NOVA1: variants seen among roughly 807,000 people sequenced by gnomAD.
NOVA1 encodes the protein RNA-binding protein Nova-1.
NOVA1 carries 7 observed loss-of-function variants against 38.0 expected under a neutral mutation model. That is an observed-to-expected ratio of 0.18 (90% CI 0.10 to 0.35). NOVA1 has a LOEUF of 0.35. Among genes scored for constraint, NOVA1 ranks in the 10% least tolerant of loss-of-function variants. The pLI is 1.00. For missense variants in NOVA1, 460 were observed against 616.0 expected, an observed-to-expected ratio of 0.75 and a Z score of 2.68; for synonymous variants, 270 against 232.5, an observed-to-expected ratio of 1.16 and a Z score of -1.47.
intron 2 of NOVA1, among the ~76,000 whole-genome samples, chr14:26,510,242 T>C (rs976365115): frequency 6.6e-6 from 1 of 152,174 alleles, no homozygotes; most frequent in African/African-American, 2.4e-5. Flanking sequence ...AAGCACATAA[T>C]GGCCCCTGCC....
chr14:26,557,041 T>C (rs1891529901), intron 2 of NOVA1, among the ~76,000 whole-genome samples: 1 of 152,148 alleles, frequency 6.6e-6, no homozygotes, highest in Non-Finnish European at 1.5e-5. Flanking sequence ...CATATTCCCA[T>C]GGCATTCTCT....
intron 2 of NOVA1, among the ~76,000 whole-genome samples, chr14:26,512,842 G>A (rs1390595141): frequency 6.6e-6 from 1 of 151,950 alleles, no homozygotes; most frequent in Admixed American, 6.6e-5. Context: ...ATCATAAGAG[G>A]TAATCAATAC....
intron 2 of NOVA1, among the ~76,000 whole-genome samples, chr14:26,572,950 A>AATAAT (rs1190721756): frequency 1.3e-5 from 2 of 152,174 alleles, no homozygotes; most frequent in East Asian, 3.9e-4. Flanking sequence ...AATAAAGTGT[A>AATAAT]CATAAAACAA....
chr14:26,509,175 G>T (rs1887866781), intron 2 of NOVA1, among the ~76,000 whole-genome samples: 1 of 152,168 alleles, frequency 6.6e-6, no homozygotes, highest in South Asian at 2.1e-4. Flanking sequence ...ATTTGTAGAT[G>T]TATTTTTTAA....
intron 2 of NOVA1, among the ~76,000 whole-genome samples, chr14:26,484,383 C>A (rs888716901): frequency 2.5e-5 from 3 of 118,876 alleles, no homozygotes; most frequent in Non-Finnish European, 4.8e-5. Context: ...TTGCAGTGAG[C>A]CAAGATCGCG....
At chr14:26,543,665 C>G (rs1396240412) in intron 2 of NOVA1, among the ~76,000 whole-genome samples, 1 of 151,906 alleles carries the variant, frequency 6.6e-6, no homozygotes, top group East Asian at 1.9e-4. Flanking sequence ...CATGGAATTA[C>G]AGAAATGGAT....
rs1393826923 is a variant in NOVA1 at position 26,487,956 on chromosome 14, C to T, written c.281-7813G>A. On this transcript the variant is annotated intron_variant, in intron 2 of 4. Coordinates refer to ENST00000539517, the MANE Select transcript of NOVA1 (RefSeq NM_002515.3). ...TAAAAGTAAGTTCAATTTGTAATTG[C>T]AGCTTTTATACCACTGTACAGTTAC... is the stretch of plus-strand genomic sequence containing the variant. Among the ~76,000 whole-genome samples, 3 of 152,104 alleles carry T rather than the reference C, an allele frequency of 2.0e-5. No individual in the cohort carries two copies. The East Asian group carries it at 5.8e-4, about 29-fold the overall frequency.
intron 2 of NOVA1, among the ~76,000 whole-genome samples, chr14:26,493,056 GCAACT>G (rs1247602782): frequency 9.9e-5 from 15 of 152,178 alleles, no homozygotes; most frequent in African/African-American, 3.4e-4. Flanking sequence ...CAGAAATTCT[GCAACT>G]CAACTCATTT....
intron 2 of NOVA1, among the ~76,000 whole-genome samples, chr14:26,595,031 C>G (rs938788552): frequency 5.3e-5 from 8 of 152,094 alleles, no homozygotes; most frequent in African/African-American, 1.9e-4. Flanking sequence ...TCCCTACCCC[C>G]CTCTTCTGAA....
At chr14:26,585,050 T>G (rs1594582858) in intron 2 of NOVA1, among the ~76,000 whole-genome samples, 1 of 151,494 alleles carries the variant, frequency 6.6e-6, no homozygotes, top group South Asian at 2.1e-4. Context: ...AAAATATAAA[T>G]AAAATTTACA....
At chr14:26,588,681 T>C (rs1893673191) in intron 2 of NOVA1, among the ~76,000 whole-genome samples, 1 of 151,588 alleles carries the variant, frequency 6.6e-6, no homozygotes, top group Admixed American at 6.6e-5. Flanking sequence ...AACAAAAATT[T>C]AAAAATCACG....
intron 2 of NOVA1, among the ~76,000 whole-genome samples, chr14:26,538,095 A>T (rs191576817): frequency 6.6e-6 from 1 of 152,338 alleles, no homozygotes; most frequent in East Asian, 1.9e-4. Flanking sequence ...AGAAAGACTC[A>T]GAGCCAAATC....
chr14:26,490,713 G>GT (rs1886266644), intron 2 of NOVA1, among the ~76,000 whole-genome samples: 1 of 152,072 alleles, frequency 6.6e-6, no homozygotes, highest in African/African-American at 2.4e-5. Context: ...GGGTCTCACT[G>GT]TGTTGCCCAA....
At chr14:26,570,014 A>G (rs1004740094) in intron 2 of NOVA1, among the ~76,000 whole-genome samples, 9 of 152,196 alleles carry the variant, frequency 5.9e-5, no homozygotes, top group African/African-American at 2.2e-4. Flanking sequence ...AAATGCTAAG[A>G]AAGTTAATAG....
At chr14:26,489,376 T>C (rs1349972826) in intron 2 of NOVA1, among the ~76,000 whole-genome samples, 2 of 152,090 alleles carry the variant, frequency 1.3e-5, no homozygotes, top group African/African-American at 2.4e-5. Flanking sequence ...ACATGCACTA[T>C]ATCAAATAAA....
Position 26,472,395 on chromosome 14 carries a change from G to A in NOVA1, c.448-4C>T, listed in dbSNP as rs1566452950. 1.3e-6 allele frequency: 2 copies of A among 1,506,692 alleles called. No homozygotes were observed. Among genetic ancestry groups the A allele is most frequent in the Non-Finnish European group, 9.0e-7 (1 of 1,116,800 alleles). 93.3% of individuals were successfully genotyped at this position (1,506,692 alleles called of 1,614,324 possible). A position where few individuals can be genotyped will look rare whatever the true frequency, so the allele number is the denominator to read the frequency against. On this transcript the variant is annotated splice_polypyrimidine_tract_variant and splice_region_variant and intron_variant, in intron 3 of 4. Coordinates refer to ENST00000539517, the MANE Select transcript of NOVA1 (RefSeq NM_002515.3). ...TAGTTGGGGAAGATGGCAATGTCTG[G>A]GAAACAAAGCAGTTCAGGAGCAAAT... is the stretch of plus-strand genomic sequence containing the variant.
intron 2 of NOVA1, among the ~76,000 whole-genome samples, chr14:26,579,188 G>T (rs1893058164): frequency 6.6e-6 from 1 of 150,830 alleles, no homozygotes; most frequent in African/African-American, 2.4e-5. Context: ...CTCCCGAGTA[G>T]GTGGGACTAC....
At chr14:26,451,017 A>G (rs1423027591) in intron 4 of NOVA1, among the ~76,000 whole-genome samples, 3 of 152,212 alleles carry the variant, frequency 2.0e-5, no homozygotes, top group East Asian at 1.9e-4. Flanking sequence ...AATTATAAGT[A>G]ATCATTTTTG....
At chr14:26,509,426 A>G (rs1887889046) in intron 2 of NOVA1, among the ~76,000 whole-genome samples, 1 of 152,164 alleles carries the variant, frequency 6.6e-6, no homozygotes, top group Non-Finnish European at 1.5e-5. Context: ...AAAATTGTCA[A>G]AAGTTAGCAA....
Sources: gnomAD v4.1 joint callset for allele counts (sites outside exome capture counted in the v4.1 genomes callset) on GRCh38, gnomAD v4.1.1 for gene constraint, MANE v1.5 for transcripts, NCBI Gene and HGNC (gene_info 2026-07-23, HGNC 2026-07-21) for gene names.